The following ADAMTSL1 variants were observed in gnomAD, a reference collection of about 807,000 sequenced individuals.
ADAMTSL1 encodes ADAMTS-like protein 1.
Under a neutral mutation model 201.8 loss-of-function variants are expected in ADAMTSL1, and 126 were observed. The ratio of observed to expected loss-of-function variants is 0.62; its 90% CI spans 0.54 to 0.72. ADAMTSL1 has a LOEUF of 0.72. Among genes scored for constraint, ADAMTSL1 ranks in the 30% least tolerant of loss-of-function variants. The pLI is 0.00. For synonymous variants in ADAMTSL1, 1,121 were observed against 903.4 expected (o/e 1.24, Z -4.32); for missense variants, 2,679 against 2,277.8 (o/e 1.18, Z -3.59).
At chr9:18,197,685 T>G (rs1325009497) in intron 2 of ADAMTSL1, among the ~76,000 whole-genome samples, 4 of 150,780 alleles carry the variant, frequency 2.7e-5, no homozygotes, top group Admixed American at 6.6e-5. Flanking sequence ...TTCTCCTGCC[T>G]AATTGCCCTG....
intron 2 of ADAMTSL1, among the ~76,000 whole-genome samples, chr9:18,368,140 C>T (rs1045201019): frequency 4.6e-5 from 7 of 151,970 alleles, no homozygotes; most frequent in Non-Finnish European, 7.4e-5. Flanking sequence ...TGGTCTCCAT[C>T]TCCTGACCTC....
intron 19 of ADAMTSL1, among the ~76,000 whole-genome samples, chr9:18,778,821 A>G (rs1184443662): frequency 6.6e-6 from 1 of 152,264 alleles, no homozygotes; most frequent in Non-Finnish European, 1.5e-5. Flanking sequence ...TGGCAGAGCT[A>G]CGATATGCAA....
chr9:18,897,497 G>A (rs569312827), intron 26 of ADAMTSL1, among the ~76,000 whole-genome samples: 2 of 152,350 alleles, frequency 1.3e-5, no homozygotes. Context: ...ACCTGGGACA[G>A]AGCTCCTAGA....
chr9:18,604,109 A>G (rs1222485240), intron 4 of ADAMTSL1, among the ~76,000 whole-genome samples: 2 of 152,214 alleles, frequency 1.3e-5, no homozygotes, highest in African/African-American at 4.8e-5. Flanking sequence ...CTGACACCCA[A>G]TTTGCTAACA....
chr9:17,923,468 T>C (rs1826390588), intron 1 of ADAMTSL1, among the ~76,000 whole-genome samples: 1 of 151,542 alleles, frequency 6.6e-6, no homozygotes, highest in Non-Finnish European at 1.5e-5. Flanking sequence ...ATAAGAATGC[T>C]TGTGATTTTT....
chr9:18,142,304 C>G (rs865796295), intron 1 of ADAMTSL1, among the ~76,000 whole-genome samples: 1 of 152,328 alleles, frequency 6.6e-6, no homozygotes, highest in African/African-American at 2.4e-5. Flanking sequence ...CTTTCCCTCA[C>G]TTGCTATTTC....
At chr9:18,350,861 CTA>C (rs1835935722) in intron 2 of ADAMTSL1, among the ~76,000 whole-genome samples, 2 of 152,206 alleles carry the variant, frequency 1.3e-5, no homozygotes, top group East Asian at 3.9e-4. Flanking sequence ...AAAATACAGA[CTA>C]TGATATTCTC....
At chr9:18,039,837 G>A (rs998751674) in intron 1 of ADAMTSL1, among the ~76,000 whole-genome samples, 22 of 152,286 alleles carry the variant, frequency 1.4e-4, no homozygotes, top group African/African-American at 5.1e-4. Flanking sequence ...TGGGTTTTGG[G>A]AGGAAGGTTA....
At chr9:18,163,456 C>A (rs1265723086) in intron 1 of ADAMTSL1, among the ~76,000 whole-genome samples, 4 of 151,954 alleles carry the variant, frequency 2.6e-5, no homozygotes, top group Non-Finnish European at 1.5e-5. Context: ...TTTAACTGGA[C>A]ATGGGGACCC....
chr9:18,878,078 C>T (rs1032542853), intron 23 of ADAMTSL1, among the ~76,000 whole-genome samples: 6 of 152,156 alleles, frequency 3.9e-5, no homozygotes. Context: ...ACAGGCTTCA[C>T]CCAGCTCCCA....
chr9:18,795,880 ACT>A (rs1022735409), intron 20 of ADAMTSL1, among the ~76,000 whole-genome samples: 47 of 152,014 alleles, frequency 3.1e-4, no homozygotes, highest in Non-Finnish European at 5.0e-4. Context: ...ATCATTGAAG[ACT>A]CTTTTGGATC....
chr9:18,421,897 A>G (rs1414295825), intron 2 of ADAMTSL1, among the ~76,000 whole-genome samples: 2 of 152,242 alleles, frequency 1.3e-5, no homozygotes, highest in African/African-American at 4.8e-5. Flanking sequence ...ACAAATAGTC[A>G]AGGATTTAAG....
chr9:18,294,831 A>T (rs1042889500), intron 2 of ADAMTSL1, among the ~76,000 whole-genome samples: 1 of 152,208 alleles, frequency 6.6e-6, no homozygotes, highest in Non-Finnish European at 1.5e-5. Flanking sequence ...CAAGTGTTTT[A>T]TGGGAATCCC....
chr9:17,954,726 GAGTTTTAGTCTAAGTTAAC>G (rs1232932087), intron 1 of ADAMTSL1, among the ~76,000 whole-genome samples: 6 of 152,076 alleles, frequency 3.9e-5, no homozygotes, highest in Non-Finnish European at 7.4e-5. Flanking sequence ...TAGAAGACCA[GAGTTTTAGTCTAAGTTAAC>G]AACCTTAAGT....
In ADAMTSL1 at chr9:18,051,562, T is replaced by TA. The variant is rs562643611; in HGVS notation, c.88-112297dup. On this transcript the variant is annotated intron_variant, in intron 1 of 29. Transcript: ENST00000680146. ...TTTTTAAAACTTTTTTTTTTTTTTT[T>TA]AAATACAAGGAACTCCAAGATTAAG... 3.7e-4 allele frequency among the ~76,000 whole-genome samples: 56 copies of TA among 150,768 alleles called. No individual in the cohort carries two copies. The East Asian group carries it at 4.1e-3, about 11-fold the overall frequency.
chr9:18,723,101 A>T (rs758140498), intron 15 of ADAMTSL1: 37 of 775,042 alleles, frequency 4.8e-5, no homozygotes, highest in Non-Finnish European at 8.2e-5. Flanking sequence ...TGCTGTCACC[A>T]ACTAGCTCTG....
In ADAMTSL1 at chr9:18,770,613, G is replaced by A. The variant is rs375944574; in HGVS notation, c.2229G>A (p.Thr743=). 4.5e-5 allele frequency: 72 copies of A among 1,611,810 alleles called. 1 individual carries two copies. The highest frequency in any genetic ancestry group is 1.3e-4 in the African/African-American group (10 of 74,938). ...YPAQWQPCSR[T]CGGGVQKREV... ...CTTTCTTTCCCCAGTGTTCCAGAAC[G>A]TGTGGCGGGGGTGTTCAGAAACGTG... Residue 743 remains threonine, a synonymous_variant, in exon 17 of 29, where the codon ACG becomes ACA. Coordinates refer to ENST00000380548, the MANE Select transcript of ADAMTSL1 (RefSeq NM_001040272.6).
At chr9:18,353,619 C>G (rs771364656) in intron 2 of ADAMTSL1, among the ~76,000 whole-genome samples, 1 of 152,100 alleles carries the variant, frequency 6.6e-6, no homozygotes, top group Admixed American at 6.5e-5. Context: ...CTGTAACTTA[C>G]CTGACTTTGG....
In ADAMTSL1 at chr9:18,090,032, T is replaced by C. The variant is rs112840336; in HGVS notation, c.88-73830T>C. Among the ~76,000 whole-genome samples, 590 of 152,324 alleles carry C rather than the reference T, an allele frequency of 3.9e-3. 3 individuals carry two copies. Among genetic ancestry groups the C allele is most frequent in the African/African-American group, 0.014 (567 of 41,574 alleles). On this transcript the variant is annotated intron_variant, in intron 1 of 29. Transcript: ENST00000680146. ...AGTGTTTTAGCATTTGTTAGCACTT[T>C]CATTTTTAGTTTAAATGCTTGGTAT...
Sources: gnomAD v4.1 joint callset for allele counts (sites outside exome capture counted in the v4.1 genomes callset) on GRCh38, gnomAD v4.1.1 for gene constraint, MANE v1.5 for transcripts, NCBI Gene and HGNC (gene_info 2026-07-23, HGNC 2026-07-21) for gene names.